Variants in SDK1 observed in about 807,000 individuals in gnomAD.
The protein encoded by SDK1 is protein sidekick-1.
SDK1 carries 157 observed loss-of-function variants against 245.5 expected under a neutral mutation model. The ratio of observed to expected loss-of-function variants is 0.64; its 90% CI spans 0.56 to 0.73. The LOEUF (loss-of-function observed/expected upper bound fraction) is 0.73, where lower values mean the gene tolerates loss of function less well. Ranked by LOEUF, SDK1 falls within the 30% of genes least tolerant of loss-of-function variation. SDK1 has a pLI of 0.00. For synonymous variants in SDK1, 1,647 were observed against 1,278.5 expected (o/e 1.29, Z -6.15); for missense variants, 3,583 against 3,002.3 (o/e 1.19, Z -4.52).
chr7:3,464,791 GAC>G (rs1780942669), intron 1 of SDK1, among the ~76,000 whole-genome samples: 1 of 151,468 alleles, frequency 6.6e-6, no homozygotes, highest in Non-Finnish European at 1.5e-5. Flanking sequence ...AGTTTAACAG[GAC>G]ACACTAATGT....
At chr7:4,105,768 G>A (rs1382595778) in intron 22 of SDK1, among the ~76,000 whole-genome samples, 2 of 152,166 alleles carry the variant, frequency 1.3e-5, no homozygotes, top group Non-Finnish European at 2.9e-5. Context: ...CGAAAGGCCC[G>A]GATGCTCTCC....
intron 42 of SDK1, among the ~76,000 whole-genome samples, chr7:4,238,872 A>G (rs1314737925): frequency 6.6e-6 from 1 of 152,102 alleles, no homozygotes; most frequent in Non-Finnish European, 1.5e-5. Context: ...TACAAAAAAA[A>G]AAAGTATAGA....
intron 14 of SDK1, among the ~76,000 whole-genome samples, chr7:3,989,547 C>T (rs1347587839): frequency 6.6e-6 from 1 of 152,154 alleles, no homozygotes; most frequent in East Asian, 1.9e-4. Context: ...CCACTTTATT[C>T]GGCCTGTGGT....
chr7:4,089,110 G>A (rs986544017), intron 22 of SDK1, among the ~76,000 whole-genome samples: 4 of 150,822 alleles, frequency 2.7e-5, no homozygotes, highest in African/African-American at 7.3e-5. Context: ...TCTCTCAGGC[G>A]GAGGTGAGAC....
intron 1 of SDK1, among the ~76,000 whole-genome samples, chr7:3,418,854 G>A (rs1044091977): frequency 3.9e-5 from 6 of 152,040 alleles, no homozygotes; most frequent in Non-Finnish European, 7.4e-5. Context: ...CCTACCCCTC[G>A]CCTATGGTCA....
chr7:3,973,343 C>A (rs925905153), intron 12 of SDK1, among the ~76,000 whole-genome samples: 1 of 152,166 alleles, frequency 6.6e-6, no homozygotes. Flanking sequence ...ATTTGCAAAA[C>A]CCGATCAAAT....
rs938542626 is a variant in SDK1 at position 3,658,079 on chromosome 7, C to T, written c.713+15974C>T. On this transcript the variant is annotated intron_variant, in intron 4 of 44. Transcript: ENST00000404826. ...CAAGTGCCCGACTTCGGTGGGGCTC[C>T]TTCTCTTCATCTGTAGAGTGCAGGT... 3.9e-5 allele frequency among the ~76,000 whole-genome samples: 6 copies of T among 152,192 alleles called. No homozygotes were observed. The East Asian group carries it at 7.7e-4, about 20-fold the overall frequency.
intron 1 of SDK1, among the ~76,000 whole-genome samples, chr7:3,558,366 G>A (rs1171150798): frequency 2.0e-5 from 3 of 152,204 alleles, no homozygotes; most frequent in East Asian, 1.9e-4. Flanking sequence ...GGCACATACT[G>A]CCTGCAGTGG....
chr7:4,020,228 C>T (rs193030592), intron 17 of SDK1, among the ~76,000 whole-genome samples: 85 of 152,218 alleles, frequency 5.6e-4, no homozygotes, highest in African/African-American at 2.0e-3. Context: ...GACACTATCC[C>T]TTGGACGTGG....
intron 34 of SDK1, among the ~76,000 whole-genome samples, chr7:4,178,140 C>T (rs1455157057): frequency 6.6e-6 from 1 of 152,228 alleles, no homozygotes; most frequent in Non-Finnish European, 1.5e-5. Context: ...CTACTCACCT[C>T]CTGCTTTGCG....
chr7:4,140,548 A>G (rs938313977), intron 28 of SDK1, among the ~76,000 whole-genome samples: 5 of 151,378 alleles, frequency 3.3e-5, no homozygotes, highest in African/African-American at 1.2e-4. Flanking sequence ...TTCTTTAATC[A>G]TCAGAATCCC....
chr7:3,879,848 G>T (rs1781163341), intron 5 of SDK1, among the ~76,000 whole-genome samples: 1 of 152,102 alleles, frequency 6.6e-6, no homozygotes, highest in Non-Finnish European at 1.5e-5. Context: ...ATTAACCTTT[G>T]CGCGGCTGTC....
chr7:3,938,794 A>C (rs1430726979), intron 5 of SDK1, among the ~76,000 whole-genome samples: 2 of 152,208 alleles, frequency 1.3e-5, no homozygotes, highest in African/African-American at 4.8e-5. Context: ...ATTTGTGCTC[A>C]TCCTGAACTA....
Position 4,188,860 on chromosome 7 carries a change from C to T in SDK1, c.5098+10274C>T, listed in dbSNP as rs12154888. On this transcript the variant is annotated intron_variant, in intron 35 of 44. Transcript: ENST00000404826. ...GTCTTAATCATGGTTTAAATTCTTA[C>T]ACACAGTCAAGTCTGTCTGAAGACA... 3.4e-3 allele frequency among the ~76,000 whole-genome samples: 523 copies of T among 152,228 alleles called. 1 individual carries two copies. Among genetic ancestry groups the T allele is most frequent in the Non-Finnish European group, 5.0e-3 (338 of 68,020 alleles).
intron 22 of SDK1, among the ~76,000 whole-genome samples, chr7:4,080,251 C>T (rs34163017): frequency 0.22 from 34,100 of 151,874 alleles, 4,236 homozygotes; most frequent in African/African-American, 0.32. Flanking sequence ...GAGAGACTTC[C>T]GGTCCGACTC....
At chr7:3,900,455 G>C (rs74860874) in intron 5 of SDK1, among the ~76,000 whole-genome samples, 2,430 of 152,254 alleles carry the variant, frequency 0.016, 65 homozygotes, top group African/African-American at 0.056. Flanking sequence ...GTTTGGTGCT[G>C]ATTTAGCCTT....
chr7:3,632,141 T>C (rs900932896), intron 2 of SDK1, among the ~76,000 whole-genome samples: 3 of 152,214 alleles, frequency 2.0e-5, no homozygotes, highest in Non-Finnish European at 4.4e-5. Context: ...CTGAAGGTTT[T>C]CTGAAATTCC....
intron 1 of SDK1, among the ~76,000 whole-genome samples, chr7:3,441,925 CTGAG>C (rs1264705624): frequency 1.3e-5 from 2 of 152,218 alleles, no homozygotes; most frequent in Admixed American, 1.3e-4. Context: ...CTTGATTTGC[CTGAG>C]TGATTCTCCA....
At chr7:3,434,317 A>T (rs1779956077) in intron 1 of SDK1, among the ~76,000 whole-genome samples, 2 of 152,168 alleles carry the variant, frequency 1.3e-5, no homozygotes, top group African/African-American at 4.8e-5. Flanking sequence ...CCTGTAAGAG[A>T]ATTTCCACCT....
Sources: allele counts gnomAD v4.1 joint callset (sites outside exome capture counted in the v4.1 genomes callset), GRCh38; gene constraint gnomAD v4.1.1; transcripts MANE v1.5; gene names NCBI Gene and HGNC (gene_info 2026-07-23, HGNC 2026-07-21).